DNAJB1: variants seen among roughly 807,000 people sequenced by gnomAD.
The protein encoded by DNAJB1 is DnaJ heat shock protein family (Hsp40) member B1, also known as dnaJ homolog subfamily B member 1.
DNAJB1 carries 14 observed loss-of-function variants against 24.0 expected under a neutral mutation model. The observed-to-expected ratio is 0.58, with a 90% confidence interval of 0.39 to 0.91. The LOEUF (loss-of-function observed/expected upper bound fraction) is 0.91. Ranked by LOEUF, DNAJB1 falls within the 40% of genes least tolerant of loss-of-function variation. The probability of loss-of-function intolerance (pLI) is 0.00; values close to 1 mark genes in which losing one functional copy is unlikely to be tolerated. For synonymous variants in DNAJB1, 262 were observed against 174.4 expected (o/e 1.50, Z -3.96); for missense variants, 517 against 458.1 (o/e 1.13, Z -1.17).
upstream of DNAJB1, chr19:14,518,459 C>G (rs1419361818): frequency 3.2e-6 from 3 of 941,406 alleles, no homozygotes; most frequent in Non-Finnish European, 4.3e-6. Context: ...GCCCGCCAGC[C>G]CCCTCCAGAA....
chr19:14,543,419 ATTTTTTTTTTTTTTTTT>A (rs1169742953), intron 1 of DNAJB1, among the ~76,000 whole-genome samples: 1,731 of 21,334 alleles, frequency 0.081, 62 homozygotes, highest in Middle Eastern at 0.19. Context: ...ATATATATAT[ATTTTTTTTTTTTTTTTT>A]TTTTTTTTTT....
intron 1 of DNAJB1, among the ~76,000 whole-genome samples, chr19:14,542,344 AGTGTTTTTTTT>A (rs2073123154): frequency 1.6e-5 from 1 of 64,080 alleles, no homozygotes; most frequent in Non-Finnish European, 3.6e-5. Flanking sequence ...CTCATGCCAT[AGTGTTTTTTTT>A]TTTTTTTTTT....
At chr19:14,529,809 G>A, upstream of DNAJB1, 1 of 1,570,644 alleles carries the variant, frequency 6.4e-7, no homozygotes. Flanking sequence ...CCTGTGCCCC[G>A]AAGGAAGAGC....
upstream of DNAJB1, among the ~76,000 whole-genome samples, chr19:14,553,021 G>A (rs1230509749): frequency 6.6e-6 from 1 of 152,062 alleles, no homozygotes; most frequent in Non-Finnish European, 1.5e-5. Flanking sequence ...TAGGCTGTGG[G>A]TACCACTGAG....
chr19:14,554,598 C>G (rs78656540), upstream of DNAJB1, among the ~76,000 whole-genome samples: 1 of 152,138 alleles, frequency 6.6e-6, no homozygotes, highest in African/African-American at 2.4e-5. Context: ...GTGTGCCAGG[C>G]CTTCAGGCTG....
intron 2 of DNAJB1, 67 bp from the exon 3 acceptor site, chr19:14,516,237 CGTCTG>C: frequency 6.4e-7 from 1 of 1,568,358 alleles, no homozygotes; most frequent in Non-Finnish European, 8.7e-7. Context: ...GCCCAGAGGC[CGTCTG>C]CCATAGATAA....
At chr19:14,548,205 GC>G (rs934885154) in intron 1 of DNAJB1, among the ~76,000 whole-genome samples, 2 of 151,514 alleles carry the variant, frequency 1.3e-5, no homozygotes, top group Non-Finnish European at 2.9e-5. Context: ...TTCATGATCC[GC>G]CCCCTCGGCC....
At chr19:14,558,440 G>C (rs10403978) in intron 1 of DNAJB1, among the ~76,000 whole-genome samples, 1 of 152,182 alleles carries the variant, frequency 6.6e-6, no homozygotes. Flanking sequence ...ACGCCGCACC[G>C]TGTGTCCTGG....
At chr19:14,535,566 AT>A (rs2072860576) in intron 1 of DNAJB1, among the ~76,000 whole-genome samples, 2 of 19,788 alleles carry the variant, frequency 1.0e-4, no homozygotes, top group Non-Finnish European at 2.5e-4. Context: ...ATATATATAT[AT>A]ATATATATAT....
upstream of DNAJB1, among the ~76,000 whole-genome samples, chr19:14,552,176 T>C (rs1343169923): frequency 6.7e-6 from 1 of 148,880 alleles, no homozygotes; most frequent in Non-Finnish European, 1.5e-5. Flanking sequence ...TTTTTTCTTT[T>C]TTTTTTTTTT....
At position 14,516,910 on chromosome 19, in the gene DNAJB1, A is replaced by G; in HGVS notation, c.348T>C (p.Phe116=). 2.5e-6 allele frequency: 4 copies of G among 1,613,900 alleles called. No individual in the cohort carries two copies. Among genetic ancestry groups the G allele is most frequent in the Non-Finnish European group, 3.4e-6 (4 of 1,180,022 alleles). The change falls in exon 2 of 3, where the codon TTT becomes TTC. Residue 116 remains phenylalanine (F), a synonymous_variant. Coordinates refer to ENST00000254322, the MANE Select transcript of DNAJB1 (RefSeq NM_006145.3). ...FGGRNPFDTF[F]GQRNGEEGMD... ...TGCCTTCCTCCCCGTTCCGCTGCCC[A>G]AAAAAGGTGTCAAAGGGATTTCTGC...
chr19:14,515,693 A>T lies in DNAJB1; in HGVS notation c.*247T>A, dbSNP rs1176257499. 4.4e-6 allele frequency: 2 copies of T among 459,666 alleles called. No homozygotes were observed. Among genetic ancestry groups the T allele is most frequent in the Non-Finnish European group, 7.7e-6 (2 of 260,704 alleles). The allele number at this position is 459,666 out of a possible 1,614,324, so 28.5% of individuals were successfully genotyped here. A position where few individuals can be genotyped will look rare whatever the true frequency, so the allele number is the denominator to read the frequency against. On this transcript the variant is annotated 3_prime_UTR_variant, in exon 3 of 3. Coordinates refer to ENST00000254322, the MANE Select transcript of DNAJB1 (RefSeq NM_006145.3). ...GGGCCCATCCCGGGAGGGCTGCCAG[A>T]CCCAGTGGGGCAGACTGGAATGCCT...
chr19:14,548,230 G>T (rs1013005883), intron 1 of DNAJB1, among the ~76,000 whole-genome samples: 5 of 151,780 alleles, frequency 3.3e-5, no homozygotes, highest in African/African-American at 1.2e-4. Flanking sequence ...CAAAGTGCTG[G>T]GATTACAGGT....
intron 2 of DNAJB1, among the ~76,000 whole-genome samples, chr19:14,523,607 C>A (rs928575836): frequency 1.3e-5 from 2 of 149,548 alleles, no homozygotes; most frequent in African/African-American, 4.9e-5. Context: ...ACCCTACACC[C>A]GGCCTTGTTT....
intron 1 of DNAJB1, among the ~76,000 whole-genome samples, chr19:14,555,738 G>T (rs1482066727): frequency 6.6e-6 from 1 of 152,146 alleles, no homozygotes; most frequent in Non-Finnish European, 1.5e-5. Context: ...ACCATGCGTG[G>T]ACACAGCTAA....
At chr19:14,526,803 C>T (rs576105384) in intron 2 of DNAJB1, among the ~76,000 whole-genome samples, 17 of 152,228 alleles carry the variant, frequency 1.1e-4, no homozygotes, top group South Asian at 6.2e-4. Flanking sequence ...TGAAAATTTG[C>T]ATAACTGGTG....
At chr19:14,534,500 A>ATC (rs2072794351), upstream of DNAJB1, among the ~76,000 whole-genome samples, 2 of 116,946 alleles carry the variant, frequency 1.7e-5, no homozygotes, top group Admixed American at 1.2e-4. Context: ...CAGTGATGTG[A>ATC]TCTCACCTCA....
chr19:14,552,130 C>T (rs796134161), upstream of DNAJB1, among the ~76,000 whole-genome samples: 12 of 150,124 alleles, frequency 8.0e-5, no homozygotes, highest in South Asian at 2.2e-3. Flanking sequence ...TGAGCCACCG[C>T]GCCTGGCCTT....
intron 2 of DNAJB1, 142 bp downstream of exon 2, chr19:14,516,324 A>G: frequency 7.9e-7 from 1 of 1,265,284 alleles, no homozygotes; most frequent in Non-Finnish European, 1.1e-6. Flanking sequence ...GCTCCACAAC[A>G]GCGCCCTGGT....
Sources: gnomAD v4.1 joint callset for allele counts (sites outside exome capture counted in the v4.1 genomes callset) on GRCh38, gnomAD v4.1.1 for gene constraint, MANE v1.5 for transcripts, NCBI Gene and HGNC (gene_info 2026-07-23, HGNC 2026-07-21) for gene names.